The following IL6R variants were observed in gnomAD, a reference collection of about 807,000 sequenced individuals.
IL6R encodes interleukin-6 receptor subunit alpha.
Under a neutral mutation model 48.3 loss-of-function variants are expected in IL6R, and 38 were observed. The ratio of observed to expected loss-of-function variants is 0.79; its 90% CI spans 0.61 to 1.03. The LOEUF (loss-of-function observed/expected upper bound fraction) is 1.03. Among genes scored for constraint, IL6R ranks in the 50% least tolerant of loss-of-function variants. The pLI is 0.00. For missense variants in IL6R, 534 were observed against 618.3 expected (o/e 0.86, Z 1.45); for synonymous variants, 264 against 256.2 (o/e 1.03, Z -0.29).
Position 154,405,834 on chromosome 1 carries a change from C to A in IL6R, c.85+120C>A. On this transcript the variant is annotated intron_variant, in intron 1 of 9. Coordinates refer to ENST00000368485, the MANE Select transcript of IL6R (RefSeq NM_000565.4). The surrounding 1 kb of genome is among the most constrained non-coding windows in gnomAD (Gnocchi z 5.2). ...AAGGAGGTGCGACGGATCCCCTTTT[C>A]TGTGGCTGCCTTGAGGCCCCGCGGG... 1.3e-6 allele frequency: 1 copy of A among 771,778 alleles called. No homozygotes were observed. Among genetic ancestry groups the A allele is most frequent in the Non-Finnish European group, 1.9e-6 (1 of 513,352 alleles). 47.8% of individuals were successfully genotyped at this position (771,778 alleles called of 1,614,324 possible). A position where few individuals can be genotyped will look rare whatever the true frequency, so the allele number is the denominator to read the frequency against.
At chr1:154,419,977 A>C (rs1688559311) in intron 1 of IL6R, among the ~76,000 whole-genome samples, 1 of 152,082 alleles carries the variant, frequency 6.6e-6, no homozygotes, top group African/African-American at 2.4e-5. Context: ...TGGGGGTCCC[A>C]GTGTCCCTGG....
chr1:154,418,072 T>G (rs1688454458), intron 1 of IL6R, among the ~76,000 whole-genome samples: 1 of 151,808 alleles, frequency 6.6e-6, no homozygotes. Flanking sequence ...GTTTCACCAT[T>G]TTGGCTAGGC....
At chr1:154,458,543 A>G (rs1359165208) in intron 9 of IL6R, among the ~76,000 whole-genome samples, 1 of 152,108 alleles carries the variant, frequency 6.6e-6, no homozygotes, top group Non-Finnish European at 1.5e-5. Context: ...CCTATAGAGT[A>G]GAGTAGATAT....
chr1:154,414,042 G>A (rs1410669588), intron 1 of IL6R, among the ~76,000 whole-genome samples: 1 of 151,888 alleles, frequency 6.6e-6, no homozygotes, highest in African/African-American at 2.4e-5. Context: ...ATTTTTTGTA[G>A]AGACGGGATT....
At chr1:154,416,585 G>A (rs1335919112) in intron 1 of IL6R, among the ~76,000 whole-genome samples, 1 of 152,138 alleles carries the variant, frequency 6.6e-6, no homozygotes, top group African/African-American at 2.4e-5. Flanking sequence ...TCTCACTGAG[G>A]GGAGATGTGC....
intron 5 of IL6R, 132 bp downstream of exon 5, chr1:154,435,288 T>C (rs929838298): frequency 1.3e-6 from 1 of 743,144 alleles, no homozygotes; most frequent in Non-Finnish European, 2.2e-6. Context: ...GGTGGGCGAA[T>C]CACTTGAGGT....
At position 154,450,536 on chromosome 1, in the gene IL6R, G is replaced by A. The variant is rs368261506; in HGVS notation, c.1066+556G>A. On this transcript the variant is annotated intron_variant, in intron 8 of 9. Transcript: ENST00000368485. ...TCACTTCGAGATATTTGAAAAGTGAGATATTTCACAGTTGGCCCACAATAC... is the reference window on the plus strand; with the variant it reads ...TCACTTCGAGATATTTGAAAAGTGAAATATTTCACAGTTGGCCCACAATAC... 3.9e-5 allele frequency among the ~76,000 whole-genome samples: 6 copies of A among 152,332 alleles called. No homozygotes were observed. The East Asian group carries it at 1.2e-3, about 29-fold the overall frequency.
In IL6R at chr1:154,405,867, C is replaced by CTGTG. The variant is rs777558103; in HGVS notation, c.85+156_85+159dup. Among the ~76,000 whole-genome samples, 8 of 152,030 alleles carry CTGTG rather than the reference C, an allele frequency of 5.3e-5. No individual in the cohort carries two copies. The highest frequency in any genetic ancestry group is 1.2e-4 in the Non-Finnish European group (8 of 67,980). On this transcript the variant is annotated intron_variant, in intron 1 of 9. Transcript: ENST00000368485. The surrounding 1 kb of genome is among the most constrained non-coding windows in gnomAD (Gnocchi z 5.2). ...GCCTTGAGGCCCCGCGGGTACCTAG[C>CTGTG]TGTGTGGTCGCGGGTAGTGGCTCTT...
intron 1 of IL6R, among the ~76,000 whole-genome samples, chr1:154,416,565 G>C (rs544357064): frequency 6.9e-4 from 105 of 152,100 alleles, no homozygotes; most frequent in Non-Finnish European, 1.3e-3. Flanking sequence ...AGGAGAGCCC[G>C]ACATTCAGGT....
chr1:154,443,912 C>T (rs1219660426), intron 6 of IL6R, among the ~76,000 whole-genome samples: 2 of 152,210 alleles, frequency 1.3e-5, no homozygotes, highest in Non-Finnish European at 2.9e-5. Context: ...ACAGATCTCC[C>T]TGCCCTGCTT....
intron 7 of IL6R, 29 bp downstream of exon 7, chr1:154,448,200 G>T (rs1462068665): frequency 1.3e-6 from 2 of 1,599,876 alleles, no homozygotes; most frequent in Non-Finnish European, 1.7e-6. Context: ...AAAAGGGTCA[G>T]GGCTGCAGCA....
At chr1:154,447,686 T>TTTTTGTTTTGCTTTG (rs1553309748) in intron 6 of IL6R, among the ~76,000 whole-genome samples, 5 of 148,326 alleles carry the variant, frequency 3.4e-5, no homozygotes, top group Non-Finnish European at 7.4e-5. Flanking sequence ...AGCATGCTGT[T>TTTTTGTTTTGCTTTG]TTTTGTTTTG....
chr1:154,440,947 C>G (rs537532892), intron 6 of IL6R, among the ~76,000 whole-genome samples: 1 of 152,348 alleles, frequency 6.6e-6, no homozygotes, highest in Non-Finnish European at 1.5e-5. Flanking sequence ...GCCACCACAC[C>G]CAGGCTGAGG....
intron 1 of IL6R, among the ~76,000 whole-genome samples, chr1:154,420,608 T>C (rs1688607791): frequency 6.6e-6 from 1 of 151,852 alleles, no homozygotes. Flanking sequence ...AGCCTTCGAC[T>C]CACTGCAGCC....
At chr1:154,416,504 A>G (rs990847823) in intron 1 of IL6R, among the ~76,000 whole-genome samples, 4 of 152,078 alleles carry the variant, frequency 2.6e-5, no homozygotes, top group African/African-American at 9.7e-5. Context: ...GAGTCTTCCT[A>G]TCTCTTGGTA....
At chr1:154,455,962 C>G (rs888000634) in intron 9 of IL6R, among the ~76,000 whole-genome samples, 1 of 151,810 alleles carries the variant, frequency 6.6e-6, no homozygotes, top group Non-Finnish European at 1.5e-5. Flanking sequence ...GAAACTGAGG[C>G]AGGAGAATCA....
intron 9 of IL6R, among the ~76,000 whole-genome samples, chr1:154,458,730 G>A (rs1391606182): frequency 6.7e-6 from 1 of 150,088 alleles, no homozygotes; most frequent in Non-Finnish European, 1.5e-5. Flanking sequence ...GAGAAACCCT[G>A]TCTCTACTAA....
chr1:154,420,511 T>TTTATTTATTTA (rs1553304886), intron 1 of IL6R, among the ~76,000 whole-genome samples: 1 of 147,776 alleles, frequency 6.8e-6, no homozygotes, highest in Non-Finnish European at 1.5e-5. Context: ...CTTTATTTTA[T>TTTATTTATTTA]TTTATTTATT....
At chr1:154,463,616 ATGT>A (rs1691381617) in intron 9 of IL6R, among the ~76,000 whole-genome samples, 2 of 152,216 alleles carry the variant, frequency 1.3e-5, no homozygotes, top group Non-Finnish European at 2.9e-5. Flanking sequence ...GTTAGGAGGC[ATGT>A]CAGTCACAAA....
Sources: gnomAD v4.1 joint callset for allele counts (sites outside exome capture counted in the v4.1 genomes callset) on GRCh38, gnomAD v4.1.1 for gene constraint, Gnocchi (gnomAD v3.1) non-coding constraint, MANE v1.5 for transcripts, NCBI Gene and HGNC (gene_info 2026-07-23, HGNC 2026-07-21) for gene names.